Variants in MACROD1 observed in about 807,000 individuals in gnomAD.
MACROD1 encodes mono-ADP ribosylhydrolase 1.
A neutral mutation model predicts 41.4 loss-of-function variants in MACROD1; 31 were observed. The observed-to-expected ratio is 0.75, with a 90% CI of 0.56 to 1.01. MACROD1 has a LOEUF of 1.01. Among genes scored for constraint, MACROD1 ranks in the 50% least tolerant of loss-of-function variants. The probability of loss-of-function intolerance (pLI) is 0.00; values close to 1 mark genes in which losing one functional copy is unlikely to be tolerated. For missense variants in MACROD1, 473 were observed against 460.0 expected (o/e 1.03, Z -0.26); for synonymous variants, 252 against 203.4 (o/e 1.24, Z -2.03).
intron 1 of MACROD1, among the ~76,000 whole-genome samples, chr11:64,163,876 T>A (rs769147024): frequency 3.9e-5 from 6 of 152,200 alleles, no homozygotes; most frequent in Admixed American, 1.3e-4. Context: ...TAACTGTGGC[T>A]TCAGTAGCAG....
intron 3 of MACROD1, among the ~76,000 whole-genome samples, chr11:64,060,937 CGCGGCGGCG>C (rs544654619): frequency 6.6e-6 from 1 of 151,322 alleles, no homozygotes; most frequent in South Asian, 2.1e-4. Flanking sequence ...GCATGCGCAC[CGCGGCGGCG>C]GCGGCGGCGG....
chr11:64,117,795 A>G, intron 3 of MACROD1: 1 of 1,614,166 alleles, frequency 6.2e-7, no homozygotes, highest in Non-Finnish European at 8.5e-7. Flanking sequence ...CATGGTCACC[A>G]TGGAGACCAG....
chr11:64,112,627 C>A (rs1177344556), intron 3 of MACROD1, among the ~76,000 whole-genome samples: 1 of 152,198 alleles, frequency 6.6e-6, no homozygotes, highest in African/African-American at 2.4e-5. Flanking sequence ...AGTTATAATT[C>A]TCGATAGGGT....
At chr11:64,008,490 G>A (rs1276593966) in intron 4 of MACROD1, among the ~76,000 whole-genome samples, 2 of 151,262 alleles carry the variant, frequency 1.3e-5, no homozygotes, top group African/African-American at 2.4e-5. Flanking sequence ...AGGGGGTGTC[G>A]GAGGGGCTGC....
intron 3 of MACROD1, among the ~76,000 whole-genome samples, chr11:64,126,631 G>T (rs1945185856): frequency 1.3e-5 from 2 of 152,116 alleles, no homozygotes; most frequent in South Asian, 4.1e-4. Context: ...CTTCCCGGTG[G>T]TCTGAAGAGG....
intron 3 of MACROD1, chr11:64,118,482 G>T: frequency 1.8e-6 from 1 of 549,412 alleles, no homozygotes; most frequent in Non-Finnish European, 3.0e-6. Flanking sequence ...TTTTTTAAAA[G>T]AATAGAAGGC....
intron 3 of MACROD1, among the ~76,000 whole-genome samples, chr11:64,138,334 C>T (rs1387799745): frequency 1.3e-5 from 2 of 152,262 alleles, no homozygotes; most frequent in Non-Finnish European, 2.9e-5. Context: ...ACCCCACCTT[C>T]CTGTGACCCT....
intron 3 of MACROD1, among the ~76,000 whole-genome samples, chr11:64,026,340 T>C (rs1695789550): frequency 6.6e-6 from 1 of 152,100 alleles, no homozygotes; most frequent in African/African-American, 2.4e-5. Flanking sequence ...TTCACTGGTG[T>C]TTAATGTTCC....
At position 64,025,904 on chromosome 11, in the gene MACROD1, C is replaced by T. The variant is rs55945597; in HGVS notation, c.518-10623G>A. ...CCGGCTAATTTTAAAATTTTCGGGC[C>T]GGGCGCCGTAACTCACACCTGTAAT... On this transcript the variant is annotated intron_variant, in intron 3 of 10. Transcript: ENST00000255681. Among the ~76,000 whole-genome samples the T allele has an allele frequency of 2.7e-3, 406 of 151,970 alleles. 4 individuals carry two copies. The highest frequency in any genetic ancestry group is 9.2e-3 in the African/African-American group (383 of 41,464).
At chr11:64,155,204 G>A (rs1945649065) in intron 1 of MACROD1, among the ~76,000 whole-genome samples, 2 of 152,228 alleles carry the variant, frequency 1.3e-5, no homozygotes, top group Non-Finnish European at 2.9e-5. Flanking sequence ...CTTCTAGGCA[G>A]AGGGAACAGT....
intron 4 of MACROD1, among the ~76,000 whole-genome samples, chr11:64,014,906 C>G (rs1427543132): frequency 6.6e-6 from 1 of 152,186 alleles, no homozygotes; most frequent in Non-Finnish European, 1.5e-5. Flanking sequence ...GATAATTTTG[C>G]CCTCACAGGT....
chr11:64,084,751 T>C (rs1292770001), intron 3 of MACROD1, among the ~76,000 whole-genome samples: 1 of 152,186 alleles, frequency 6.6e-6, no homozygotes, highest in African/African-American at 2.4e-5. Flanking sequence ...ACCTCGTGCC[T>C]TGGTGACCCC....
In MACROD1 at chr11:64,156,607, C is replaced by T. The variant is rs540226212; in HGVS notation, c.299-4214G>A. Among the ~76,000 whole-genome samples, 23 of 152,356 alleles carry T rather than the reference C, an allele frequency of 1.5e-4. 1 individual carries two copies. The highest frequency in any genetic ancestry group is 1.4e-3 in the Admixed American group (21 of 15,308). ...AGAGAGGAGGCAGAGTGACCTGCCC[C>T]CAGTCACACATAAGCGAGAGGAACC... On this transcript the variant is annotated intron_variant, in intron 1 of 10. Transcript: ENST00000255681.
intron 3 of MACROD1, among the ~76,000 whole-genome samples, chr11:64,077,891 A>G (rs1565222090): frequency 1.3e-5 from 2 of 152,170 alleles, no homozygotes; most frequent in Non-Finnish European, 2.9e-5. Flanking sequence ...AACAGCAGAT[A>G]TGTTTAGGCC....
chr11:64,037,042 G>A (rs1335811779), intron 3 of MACROD1, among the ~76,000 whole-genome samples: 1 of 151,146 alleles, frequency 6.6e-6, no homozygotes, highest in Non-Finnish European at 1.5e-5. Context: ...GGCCCTCCAG[G>A]GTGGGCAGTT....
rs555366590 is a variant in MACROD1, at chr11:63,999,783, C to T, written c.665-20G>A. ...TGACGTCTACGGGGGGCGACGGGGT[C>T]AGACCGGCGGGGGTCTACGCGGTCC... On this transcript the variant is annotated intron_variant, in intron 5 of 10. Coordinates refer to ENST00000255681, the MANE Select transcript of MACROD1 (RefSeq NM_014067.4). The T allele has an allele frequency of 3.6e-5, 58 of 1,598,700 alleles. No individual in the cohort carries two copies. The South Asian group carries it at 5.4e-4, about 15-fold the overall frequency.
At chr11:64,002,159 GT>G (rs1942836261) in intron 4 of MACROD1, among the ~76,000 whole-genome samples, 1 of 152,174 alleles carries the variant, frequency 6.6e-6, no homozygotes, top group African/African-American at 2.4e-5. Flanking sequence ...TTCACAGTGT[GT>G]GGGGGTGAGC....
rs1279821872 is a variant in MACROD1, at chr11:64,064,935, C to T, written c.518-49654G>A. ...CCAGGCAAGGCGGCAGGCAGGAGGG[C>T]CACCATGGTGACTGAGACAGACTCA... is the stretch of plus-strand genomic sequence containing the variant. On this transcript the variant is annotated intron_variant, in intron 3 of 10. Coordinates refer to ENST00000255681, the MANE Select transcript of MACROD1 (RefSeq NM_014067.4). This position sits in a 1 kb window ranked among gnomAD's most constrained non-coding sequence, Gnocchi z 4.5. 6.6e-6 allele frequency among the ~76,000 whole-genome samples: 1 copy of T among 151,744 alleles called. No individual in the cohort carries two copies. The highest frequency in any genetic ancestry group is 1.5e-5 in the Non-Finnish European group (1 of 67,894).
intron 1 of MACROD1, among the ~76,000 whole-genome samples, chr11:64,153,077 C>A (rs1053382005): frequency 2.0e-5 from 3 of 152,104 alleles, no homozygotes; most frequent in Non-Finnish European, 2.9e-5. Flanking sequence ...AGGCACCCCC[C>A]ACCCGCTCAC....
Sources: gnomAD v4.1 joint callset for allele counts (sites outside exome capture counted in the v4.1 genomes callset) on GRCh38, gnomAD v4.1.1 for gene constraint, Gnocchi (gnomAD v3.1) non-coding constraint, MANE v1.5 for transcripts, NCBI Gene and HGNC (gene_info 2026-07-23, HGNC 2026-07-21) for gene names.